Variants in MYO1D observed in about 807,000 individuals in gnomAD.
MYO1D encodes myosin ID.
In MYO1D, 83 loss-of-function variants were observed where a neutral mutation model predicts 122.0. The ratio of observed to expected loss-of-function variants is 0.68; its 90% CI spans 0.57 to 0.82. MYO1D has a LOEUF of 0.82. Ranked by LOEUF, MYO1D falls within the 40% of genes least tolerant of loss-of-function variation. MYO1D has a pLI of 0.00. For synonymous variants in MYO1D, 464 were observed against 446.9 expected (o/e 1.04, Z -0.48); for missense variants, 1,157 against 1,269.5 (o/e 0.91, Z 1.35).
At chr17:32,659,444 G>GC in intron 16 of MYO1D, 106 bp from the exon 17 acceptor site, 1 of 1,143,474 alleles carries the variant, frequency 8.7e-7, no homozygotes, top group Non-Finnish European at 1.3e-6. Context: ...CAGGCAACTT[G>GC]CAAGTGTGCA....
chr17:32,779,168 C>A (rs1471853486), intron 2 of MYO1D, among the ~76,000 whole-genome samples: 2 of 152,090 alleles, frequency 1.3e-5, no homozygotes, highest in African/African-American at 4.8e-5. Flanking sequence ...ATGCTTATGC[C>A]TTCTGACTCA....
rs545499807 is a variant in MYO1D at position 32,624,731 on chromosome 17, T to C, written c.2709+13991A>G. ...CAGCTCTCTTTAAAGGTGCTGTTTT[T>C]TCCCCCCTAAAAGAAATGAAGATAT... is the stretch of plus-strand genomic sequence containing the variant. On this transcript the variant is annotated intron_variant, in intron 20 of 21. Coordinates refer to ENST00000318217, the MANE Select transcript of MYO1D (RefSeq NM_015194.3). 8.0e-5 allele frequency among the ~76,000 whole-genome samples: 12 copies of C among 150,834 alleles called. 1 individual carries two copies. In the East Asian group the frequency reaches 1.5e-3, roughly 19 times the overall value.
chr17:32,670,821 C>T (rs2088707086), intron 16 of MYO1D, among the ~76,000 whole-genome samples: 1 of 152,212 alleles, frequency 6.6e-6, no homozygotes, highest in Non-Finnish European at 1.5e-5. Context: ...ACCCGCCTGT[C>T]CCCTCTCTAC....
chr17:32,540,068 G>A (rs1003062183), intron 21 of MYO1D, among the ~76,000 whole-genome samples: 10 of 151,900 alleles, frequency 6.6e-5, no homozygotes, highest in South Asian at 4.2e-4. Flanking sequence ...AAAAGAGGCC[G>A]GACACAGTGG....
chr17:32,517,821 A>G (rs1429229969), intron 21 of MYO1D, among the ~76,000 whole-genome samples: 1 of 152,250 alleles, frequency 6.6e-6, no homozygotes, highest in Non-Finnish European at 1.5e-5. Flanking sequence ...TACTAGAAAG[A>G]AGAATTACAA....
chr17:32,770,759 C>T (rs2090105099), intron 6 of MYO1D, among the ~76,000 whole-genome samples: 1 of 152,152 alleles, frequency 6.6e-6, no homozygotes, highest in African/African-American at 2.4e-5. Context: ...TTTTGTCTTA[C>T]TAACTTGCCT....
intron 20 of MYO1D, among the ~76,000 whole-genome samples, chr17:32,634,412 T>C (rs2088068705): frequency 6.6e-6 from 1 of 152,250 alleles, no homozygotes; most frequent in South Asian, 2.1e-4. Context: ...CGGAGGAAGA[T>C]GTTACTTAAC....
intron 13 of MYO1D, among the ~76,000 whole-genome samples, chr17:32,739,843 C>T (rs768839620): frequency 3.3e-5 from 5 of 152,084 alleles, no homozygotes; most frequent in African/African-American, 4.8e-5. Context: ...CAGATGAGCG[C>T]AGAGCGAAGA....
intron 1 of MYO1D, among the ~76,000 whole-genome samples, chr17:32,820,433 C>G (rs1250057146): frequency 6.6e-6 from 1 of 152,126 alleles, no homozygotes; most frequent in African/African-American, 2.4e-5. Context: ...AAATGGAATA[C>G]TATTCAGTTT....
chr17:32,866,680 T>C (rs1172449674), intron 1 of MYO1D, among the ~76,000 whole-genome samples: 1 of 152,122 alleles, frequency 6.6e-6, no homozygotes, highest in Non-Finnish European at 1.5e-5. Flanking sequence ...TTGGGAGAAT[T>C]TGGGGCAGCA....
At chr17:32,615,650 C>T (rs2087760916) in intron 20 of MYO1D, among the ~76,000 whole-genome samples, 1 of 152,192 alleles carries the variant, frequency 6.6e-6, no homozygotes. Flanking sequence ...TTCAGGGCAA[C>T]GGATCAAACC....
chr17:32,820,967 C>A (rs970256127), intron 1 of MYO1D, among the ~76,000 whole-genome samples: 1 of 152,070 alleles, frequency 6.6e-6, no homozygotes, highest in Non-Finnish European at 1.5e-5. Context: ...CAGATTATTT[C>A]ATCACTCAGG....
intron 21 of MYO1D, among the ~76,000 whole-genome samples, chr17:32,545,447 C>A (rs2086957855): frequency 6.6e-6 from 1 of 152,120 alleles, no homozygotes; most frequent in Non-Finnish European, 1.5e-5. Context: ...GATCGTAAAC[C>A]CTTTGAGGGA....
chr17:32,834,111 G>A (rs1165067459), intron 1 of MYO1D, among the ~76,000 whole-genome samples: 1 of 152,084 alleles, frequency 6.6e-6, no homozygotes, highest in Non-Finnish European at 1.5e-5. Flanking sequence ...CATATTGTAG[G>A]CGCCCAACAG....
In MYO1D at chr17:32,787,198, C is replaced by T. The variant is rs1024502349; in HGVS notation, c.96-6414G>A. On this transcript the variant is annotated intron_variant, in intron 1 of 21. Coordinates refer to ENST00000318217, the MANE Select transcript of MYO1D (RefSeq NM_015194.3). ...TTAAAAGACATAAAGAGAATGGACA[C>T]TGCTGAAAATAGAAGGAGACAGGAA... Among the ~76,000 whole-genome samples the T allele has an allele frequency of 1.1e-4, 16 of 152,126 alleles. No homozygotes were observed. The South Asian group carries it at 3.3e-3, about 32-fold the overall frequency.
chr17:32,584,633 C>T (rs1202147219), intron 21 of MYO1D, among the ~76,000 whole-genome samples: 1 of 151,876 alleles, frequency 6.6e-6, no homozygotes, highest in Admixed American at 6.6e-5. Flanking sequence ...GCTGGTACTA[C>T]AGGTGCATGC....
At position 32,662,675 on chromosome 17, in the gene MYO1D, GA is replaced by G. The variant is rs372225440; in HGVS notation, c.2122-3338del. Among the ~76,000 whole-genome samples the G allele has an allele frequency of 1.1e-3, 156 of 141,568 alleles. 2 individuals carry two copies. Among genetic ancestry groups the G allele is most frequent in the South Asian group, 2.2e-3 (10 of 4,454 alleles). The allele number at this position is 141,568 out of a possible 152,430, so 92.9% of individuals were successfully genotyped here. A position where few individuals can be genotyped will look rare whatever the true frequency, so the allele number is the denominator to read the frequency against. ...GTGACAGAGCGAGACTGTCTCAAAA[GA>G]AAAAAAAAAAGAGCTGTGTAAACTT... On this transcript the variant is annotated intron_variant, in intron 16 of 21. Coordinates refer to ENST00000318217, the MANE Select transcript of MYO1D (RefSeq NM_015194.3).
At chr17:32,547,763 A>G in intron 21 of MYO1D, among the ~76,000 whole-genome samples, 1 of 152,160 alleles carries the variant, frequency 6.6e-6, no homozygotes, top group East Asian at 1.9e-4. Flanking sequence ...CCTGGCCAAC[A>G]TGGCGAAACC....
intron 1 of MYO1D, among the ~76,000 whole-genome samples, chr17:32,810,952 T>A (rs1468828765): frequency 6.6e-6 from 1 of 152,232 alleles, no homozygotes; most frequent in Non-Finnish European, 1.5e-5. Flanking sequence ...TTTAGGTTAT[T>A]TGCCTTATGG....
Sources: allele counts gnomAD v4.1 joint callset (sites outside exome capture counted in the v4.1 genomes callset), GRCh38; gene constraint gnomAD v4.1.1; transcripts MANE v1.5; gene names NCBI Gene and HGNC (gene_info 2026-07-23, HGNC 2026-07-21).